APBB2: variants seen among roughly 807,000 people sequenced by gnomAD.
The protein encoded by APBB2 is Fe65-like 1.
Under a neutral mutation model 82.5 loss-of-function variants are expected in APBB2, and 38 were observed. The observed-to-expected ratio is 0.46, with a 90% CI of 0.36 to 0.60. APBB2 has a LOEUF of 0.60. Among genes scored for constraint, APBB2 ranks in the 20% least tolerant of loss-of-function variants. APBB2 has a pLI of 0.00. For missense variants in APBB2, 772 were observed against 972.3 expected (o/e 0.79, Z 2.74); for synonymous variants, 341 against 368.2 (o/e 0.93, Z 0.85).
At chr4:41,183,604 T>A (rs1040238918) in intron 1 of APBB2, among the ~76,000 whole-genome samples, 9 of 152,020 alleles carry the variant, frequency 5.9e-5, no homozygotes, top group African/African-American at 2.2e-4. Context: ...AGCCAAGGAA[T>A]GCCACATATT....
At chr4:40,840,707 C>T (rs1041806694) in intron 12 of APBB2, among the ~76,000 whole-genome samples, 5 of 152,192 alleles carry the variant, frequency 3.3e-5, no homozygotes, top group South Asian at 4.1e-4. Context: ...TCACCAGGCA[C>T]GCTCATGAGA....
In APBB2 at chr4:41,155,046, T is replaced by C. The variant is rs536550701; in HGVS notation, c.-416-11904A>G. The stretch of plus-strand genomic sequence containing the variant: ...TGACTCATTTTAAATCATAAGTAGT[T>C]TGAACAAAGACTTAAAATTAACGGG... On this transcript the variant is annotated intron_variant, in intron 1 of 17. Coordinates refer to ENST00000508593, the MANE Select transcript of APBB2 (RefSeq NM_004307.2). Among the ~76,000 whole-genome samples, 21 of 152,326 alleles carry C rather than the reference T, an allele frequency of 1.4e-4. No homozygotes were observed. The South Asian group carries it at 4.4e-3, about 32-fold the overall frequency.
Position 40,934,631 on chromosome 4 carries a change from A to G in APBB2, c.1176T>C (p.Tyr392=), listed in dbSNP as rs771360120. The G allele has an allele frequency of 5.0e-6, 8 of 1,614,040 alleles. No individual in the cohort carries two copies. The highest frequency in any genetic ancestry group is 5.9e-6 in the Non-Finnish European group (7 of 1,179,850). Residue 392 remains tyrosine (Y), a synonymous_variant, in exon 9 of 18, where the codon TAT becomes TAC. Coordinates refer to ENST00000508593, the MANE Select transcript of APBB2 (RefSeq NM_004307.2). The part of the protein sequence containing the change: ...LKEFEGATLR[Y]ASLKLRNAPH... ...TGTCCTACCTGAGTTTCAAAGATGC[A>G]TAGCGTAGGGTTGCTCCTTCAAACT...
chr4:40,834,116 T>C (rs980150256), intron 12 of APBB2, among the ~76,000 whole-genome samples: 1 of 152,042 alleles, frequency 6.6e-6, no homozygotes, highest in African/African-American at 2.4e-5. Context: ...TTCTCACTTT[T>C]TTTTTTTTAC....
At chr4:41,023,063 T>C (rs1347174598) in intron 5 of APBB2, among the ~76,000 whole-genome samples, 1 of 147,848 alleles carries the variant, frequency 6.8e-6, no homozygotes, top group Non-Finnish European at 1.5e-5. Flanking sequence ...AAATAAATTC[T>C]TACTCAACTC....
chr4:41,073,218 T>C (rs1262602124), intron 3 of APBB2, among the ~76,000 whole-genome samples: 2 of 152,194 alleles, frequency 1.3e-5, no homozygotes, highest in East Asian at 1.9e-4. Flanking sequence ...ACTGCTCATA[T>C]AGCAAGAACA....
At chr4:40,819,593 T>C (rs1323490465) in intron 17 of APBB2, among the ~76,000 whole-genome samples, 2 of 151,808 alleles carry the variant, frequency 1.3e-5, no homozygotes, top group Non-Finnish European at 2.9e-5. Context: ...CTGGGGAATA[T>C]AGCAAGATCC....
intron 1 of APBB2, among the ~76,000 whole-genome samples, chr4:41,189,344 G>A (rs181790870): frequency 6.6e-6 from 1 of 152,286 alleles, no homozygotes; most frequent in East Asian, 1.9e-4. Context: ...TACAATGGGA[G>A]GGGTACTGTC....
At chr4:41,028,167 C>T (rs1715231383) in intron 5 of APBB2, among the ~76,000 whole-genome samples, 1 of 152,254 alleles carries the variant, frequency 6.6e-6, no homozygotes, top group South Asian at 2.1e-4. Context: ...TGCACTACTC[C>T]ATGCCATATA....
intron 1 of APBB2, among the ~76,000 whole-genome samples, chr4:41,169,687 GTTC>G (rs1272426921): frequency 2.0e-5 from 3 of 152,164 alleles, no homozygotes; most frequent in Non-Finnish European, 2.9e-5. Context: ...TGGTAAAATC[GTTC>G]TTCTAAAATG....
intron 6 of APBB2, among the ~76,000 whole-genome samples, chr4:40,982,221 G>GAAAGAAAGAAAGAAA (rs766666523): frequency 4.7e-4 from 6 of 12,884 alleles, no homozygotes; most frequent in African/African-American, 1.3e-3. Context: ...AGAAAAGAAA[G>GAAAGAAAGAAAGAAA]GAAAGAAAGA....
chr4:40,818,515 C>T (rs1746608734), intron 17 of APBB2, among the ~76,000 whole-genome samples: 2 of 152,112 alleles, frequency 1.3e-5, no homozygotes, highest in South Asian at 2.1e-4. Flanking sequence ...CATAAAATAC[C>T]AAAATAGTTG....
At chr4:41,159,988 A>G (rs146300879) in intron 1 of APBB2, among the ~76,000 whole-genome samples, 1,590 of 132,868 alleles carry the variant, frequency 0.012, 180 homozygotes, top group African/African-American at 0.044. Flanking sequence ...GAAGAAGAAG[A>G]AGAAGAAGAA....
chr4:41,184,486 TTA>T (rs1205905301), intron 1 of APBB2, among the ~76,000 whole-genome samples: 4 of 152,190 alleles, frequency 2.6e-5, no homozygotes, highest in African/African-American at 9.7e-5. Context: ...TTCCCTGGGC[TTA>T]GACCACTCTG....
intron 2 of APBB2, among the ~76,000 whole-genome samples, chr4:41,109,447 C>T (rs937020860): frequency 1.4e-4 from 22 of 151,944 alleles, no homozygotes; most frequent in African/African-American, 4.8e-4. Flanking sequence ...CGTGCCACCA[C>T]GCCCAGCTAA....
chr4:41,133,214 C>T (rs946659841), intron 2 of APBB2, among the ~76,000 whole-genome samples: 10 of 152,138 alleles, frequency 6.6e-5, no homozygotes, highest in African/African-American at 1.4e-4. Flanking sequence ...TCATTCTTTA[C>T]AAATATGCTA....
chr4:40,907,524 C>T (rs1777334459), intron 10 of APBB2, among the ~76,000 whole-genome samples: 1 of 151,078 alleles, frequency 6.6e-6, no homozygotes, highest in African/African-American at 2.4e-5. Context: ...GTGTGTGCTA[C>T]CAAGCCTGGC....
intron 1 of APBB2, among the ~76,000 whole-genome samples, chr4:41,169,568 T>G (rs970806194): frequency 6.6e-6 from 1 of 152,216 alleles, no homozygotes; most frequent in African/African-American, 2.4e-5. Context: ...TTTTCCTAAA[T>G]GGTTGTCAAA....
chr4:40,881,116 C>T (rs1032243952), intron 12 of APBB2: 13 of 985,232 alleles, frequency 1.3e-5, no homozygotes, highest in Non-Finnish European at 1.6e-5. Context: ...TAAAATAGAA[C>T]CACAGTGTAA....
Sources: allele counts gnomAD v4.1 joint callset (sites outside exome capture counted in the v4.1 genomes callset), GRCh38; gene constraint gnomAD v4.1.1; transcripts MANE v1.5; gene names NCBI Gene and HGNC (gene_info 2026-07-23, HGNC 2026-07-21).